CFAP54: variants seen among roughly 807,000 people sequenced by gnomAD.
The protein encoded by CFAP54 is cilia and flagella associated protein 54.
In CFAP54, 290 loss-of-function variants were observed where a neutral mutation model predicts 370.4. That is an observed-to-expected ratio of 0.78 (90% confidence interval 0.71 to 0.86). The LOEUF is 0.86. CFAP54 is among the 40% of genes least tolerant of loss of function. CFAP54 has a pLI of 0.00. For missense variants in CFAP54, 3,399 were observed against 3,528.7 expected (o/e 0.96, Z 0.93); for synonymous variants, 1,206 against 1,236.5 (o/e 0.98, Z 0.52).
chr12:96,843,995 A>G (rs1204831951), intron 66 of CFAP54, among the ~76,000 whole-genome samples: 1 of 152,234 alleles, frequency 6.6e-6, no homozygotes, highest in Non-Finnish European at 1.5e-5. Context: ...ATTTGCAGGC[A>G]TGCCATGAAT....
At chr12:96,692,797 A>C (rs1205677696) in intron 44 of CFAP54, among the ~76,000 whole-genome samples, 1 of 152,176 alleles carries the variant, frequency 6.6e-6, no homozygotes, top group African/African-American at 2.4e-5. Context: ...ACTTCTGTGG[A>C]ATATAAAATT....
intron 15 of CFAP54, among the ~76,000 whole-genome samples, chr12:96,550,010 A>C (rs1022472328): frequency 6.6e-6 from 1 of 152,230 alleles, no homozygotes; most frequent in Non-Finnish European, 1.5e-5. Flanking sequence ...AATGAAAGAA[A>C]ACTTATTTCA....
intron 65 of CFAP54, among the ~76,000 whole-genome samples, chr12:96,820,016 C>A (rs1286142669): frequency 3.3e-5 from 5 of 152,152 alleles, no homozygotes; most frequent in Admixed American, 3.3e-4. Flanking sequence ...CATTCAACAT[C>A]TTTTGCATGC....
chr12:96,624,144 A>G (rs1351861086), intron 28 of CFAP54, among the ~76,000 whole-genome samples: 2 of 152,200 alleles, frequency 1.3e-5, no homozygotes, highest in Admixed American at 6.5e-5. Flanking sequence ...CTGACTCTAA[A>G]GCAAGTTTTC....
chr12:96,579,785 G>A (rs953935642), intron 20 of CFAP54, among the ~76,000 whole-genome samples: 13 of 152,032 alleles, frequency 8.6e-5, no homozygotes, highest in Admixed American at 8.5e-4. Flanking sequence ...ACACCTCGGC[G>A]AAAGGATCAT....
At chr12:96,668,981 G>T (rs1477339448) in intron 39 of CFAP54, among the ~76,000 whole-genome samples, 1 of 152,182 alleles carries the variant, frequency 6.6e-6, no homozygotes, top group Non-Finnish European at 1.5e-5. Context: ...ATATAAAGAT[G>T]AATAAGACTA....
intron 50 of CFAP54, among the ~76,000 whole-genome samples, chr12:96,730,537 A>T (rs1470458495): frequency 2.0e-5 from 3 of 152,264 alleles, no homozygotes; most frequent in Non-Finnish European, 2.9e-5. Flanking sequence ...ACAGCAAAAT[A>T]GAAATTCTAT....
intron 63 of CFAP54, among the ~76,000 whole-genome samples, chr12:96,810,841 G>A (rs1175527614): frequency 6.6e-6 from 1 of 152,146 alleles, no homozygotes; most frequent in African/African-American, 2.4e-5. Context: ...CTCCTCTCTG[G>A]TGCTTAATCT....
chr12:96,588,866 C>T (rs1956098693), intron 22 of CFAP54, among the ~76,000 whole-genome samples: 1 of 152,048 alleles, frequency 6.6e-6, no homozygotes, highest in African/African-American at 2.4e-5. Context: ...TTTATTTTGC[C>T]TAATGTTAAA....
intron 57 of CFAP54, 23 bp downstream of exon 57, chr12:96,756,586 T>C (rs1183695634): frequency 6.7e-7 from 1 of 1,491,718 alleles, no homozygotes; most frequent in Admixed American, 1.7e-5. Context: ...TCCATTGTTG[T>C]AGCTGTGTGT....
chr12:96,738,196 C>T (rs535571141), intron 50 of CFAP54, among the ~76,000 whole-genome samples: 1 of 152,194 alleles, frequency 6.6e-6, no homozygotes, highest in Admixed American at 6.5e-5. Flanking sequence ...AAGTGCGACT[C>T]ACAGAGGGGA....
intron 65 of CFAP54, among the ~76,000 whole-genome samples, chr12:96,824,428 T>G (rs1343837364): frequency 6.6e-6 from 1 of 152,200 alleles, no homozygotes; most frequent in Non-Finnish European, 1.5e-5. Context: ...ACATAGACAG[T>G]GTCATTTTGT....
At chr12:96,726,589 G>T (rs1485105684) in intron 50 of CFAP54, among the ~76,000 whole-genome samples, 3 of 151,794 alleles carry the variant, frequency 2.0e-5, no homozygotes, top group Non-Finnish European at 4.4e-5. Context: ...AGTCTTGCTA[G>T]CAGTCTATCA....
intron 5 of CFAP54, among the ~76,000 whole-genome samples, chr12:96,514,021 A>T (rs540553290): frequency 6.6e-6 from 1 of 152,196 alleles, no homozygotes; most frequent in Non-Finnish European, 1.5e-5. Flanking sequence ...TGACTTCCCT[A>T]CAATGTTGGT....
rs558674222 is a variant in CFAP54 at position 96,612,655 on chromosome 12, G to A, written c.3640-8935G>A. Among the ~76,000 whole-genome samples, 235 of 152,170 alleles carry A rather than the reference G, an allele frequency of 1.5e-3. 1 individual carries two copies. The highest frequency in any genetic ancestry group is 5.3e-3 in the African/African-American group (222 of 41,510). ...TATTCAGGAGACCCATCTCACATGCGGAGACCACACATAGGCTCAAAATGA... is the reference window on the plus strand; with the variant it reads ...TATTCAGGAGACCCATCTCACATGCAGAGACCACACATAGGCTCAAAATGA... On this transcript the variant is annotated intron_variant, in intron 26 of 67. Transcript: ENST00000524981.
chr12:96,678,534 G>A (rs1957236915), intron 39 of CFAP54, among the ~76,000 whole-genome samples: 1 of 152,190 alleles, frequency 6.6e-6, no homozygotes, highest in Non-Finnish European at 1.5e-5. Context: ...TTACAGGTGT[G>A]AGCTGCCTCA....
intron 26 of CFAP54, among the ~76,000 whole-genome samples, chr12:96,620,038 T>A: frequency 6.6e-6 from 1 of 152,118 alleles, no homozygotes; most frequent in Non-Finnish European, 1.5e-5. Context: ...ACTCACAAAA[T>A]TTATTTGGCA....
In CFAP54 at chr12:96,781,212, T is replaced by C. The variant is rs1028643798; in HGVS notation, c.8282-3505T>C. 5.3e-5 allele frequency among the ~76,000 whole-genome samples: 8 copies of C among 152,204 alleles called. 1 individual carries two copies. The East Asian group carries it at 5.8e-4, about 11-fold the overall frequency. On this transcript the variant is annotated intron_variant, in intron 60 of 67. Transcript: ENST00000524981. ...GAATGACTAAAAAGCTAGATGATAC[T>C]AGGAATACGGTAAAAAGTGCAAATA...
At chr12:96,605,269 A>T (rs1956288591) in intron 26 of CFAP54, among the ~76,000 whole-genome samples, 1 of 152,220 alleles carries the variant, frequency 6.6e-6, no homozygotes. Context: ...GCAGACTTTA[A>T]GTATCTTAAC....
Sources: allele counts gnomAD v4.1 joint callset (sites outside exome capture counted in the v4.1 genomes callset), GRCh38; gene constraint gnomAD v4.1.1; transcripts MANE v1.5; gene names NCBI Gene and HGNC (gene_info 2026-07-23, HGNC 2026-07-21).